Variants in EIF4E2 observed in about 807,000 individuals in gnomAD.
EIF4E2 encodes eukaryotic translation initiation factor 4E family member 2.
In EIF4E2, 13 loss-of-function variants were observed where a neutral mutation model predicts 34.2. The ratio of observed to expected loss-of-function variants is 0.38; its 90% CI spans 0.25 to 0.60. The LOEUF (loss-of-function observed/expected upper bound fraction) is 0.60. Ranked by LOEUF, EIF4E2 falls within the 20% of genes least tolerant of loss-of-function variation. The pLI is 0.62. For missense variants in EIF4E2, 222 were observed against 315.1 expected (o/e 0.70, Z 2.24); for synonymous variants, 100 against 106.6 (o/e 0.94, Z 0.38).
exon 7 of EIF4E2, chr2:232,583,218 TCTCCGCTTTG>T (rs1693400917): frequency 6.6e-6 from 1 of 152,128 alleles, no homozygotes; most frequent in African/African-American, 2.4e-5. Context: ...GAAGAGTCGG[TCTCCGCTTTG>T]CACAGTACCA....
At chr2:232,564,503 C>T (rs748228846) in intron 4 of EIF4E2, 152 bp downstream of exon 4, 46 of 501,568 alleles carry the variant, frequency 9.2e-5, no homozygotes, top group African/African-American at 4.2e-4. Context: ...CCAGGCTGAG[C>T]GCAGTGGCGC....
rs34599240 is a variant in EIF4E2 at position 232,566,541 on chromosome 2, C to G, written c.376-288C>G. On this transcript the variant is annotated intron_variant, in intron 4 of 6. Coordinates refer to ENST00000258416, the MANE Select transcript of EIF4E2 (RefSeq NM_004846.4). The surrounding 1 kb of genome is among the most constrained non-coding windows in gnomAD (Gnocchi z 4.9). ...CGGATGATCTGTGCTTGAAATATGACATCATTTCGTTTTGATTCCTAAAGT... is the reference window on the plus strand; with the variant it reads ...CGGATGATCTGTGCTTGAAATATGAGATCATTTCGTTTTGATTCCTAAAGT... Among the ~76,000 whole-genome samples, 673 of 152,340 alleles carry G rather than the reference C, an allele frequency of 4.4e-3. No homozygotes were observed. The highest frequency in any genetic ancestry group is 7.5e-3 in the Non-Finnish European group (509 of 68,034).
At chr2:232,554,341 C>A (rs980147957) in intron 1 of EIF4E2, among the ~76,000 whole-genome samples, 2 of 152,158 alleles carry the variant, frequency 1.3e-5, no homozygotes, top group Admixed American at 6.5e-5. Flanking sequence ...TAGGGTGATA[C>A]AACTGGAGTG....
downstream of EIF4E2, among the ~76,000 whole-genome samples, chr2:232,571,100 A>G (rs1247800047): frequency 6.6e-6 from 1 of 152,158 alleles, no homozygotes; most frequent in East Asian, 1.9e-4. Flanking sequence ...TTTTTGGCCC[A>G]GTTCCCAATG....
downstream of EIF4E2, among the ~76,000 whole-genome samples, chr2:232,573,474 G>A (rs1327290580): frequency 2.0e-5 from 3 of 152,160 alleles, no homozygotes; most frequent in Non-Finnish European, 4.4e-5. Context: ...TGAGCCTCCA[G>A]AAGCATAGGG....
In EIF4E2 at chr2:232,569,044, C is replaced by A. The variant is rs762391204; in HGVS notation, c.*27C>A. 2.5e-6 allele frequency: 4 copies of A among 1,612,858 alleles called. No homozygotes were observed. The highest frequency in any genetic ancestry group is 3.4e-6 in the Non-Finnish European group (4 of 1,179,512). On this transcript the variant is annotated 3_prime_UTR_variant, in exon 7 of 7. Coordinates refer to ENST00000258416, the MANE Select transcript of EIF4E2 (RefSeq NM_004846.4). ...CCTCTCCCTCTCTGGATGGCACCATCATTGAAGCTGGCGTCATCGGAGTCT... is the reference window on the plus strand; with the variant it reads ...CCTCTCCCTCTCTGGATGGCACCATAATTGAAGCTGGCGTCATCGGAGTCT...
chr2:232,559,797 T>G (rs1250102853), intron 3 of EIF4E2, among the ~76,000 whole-genome samples: 1 of 144,190 alleles, frequency 6.9e-6, no homozygotes, highest in Non-Finnish European at 1.5e-5. Context: ...AGTTTAAAAT[T>G]AGCTGGCTTG....
In EIF4E2 at chr2:232,550,714, G is replaced by T. The variant is rs1692273130; in HGVS notation, c.-11G>T. ...ACTCCCTGAGGCAGTGGCGACAGCG[G>T]CGGCGAGAGGATGAACAACAAGTTC... On this transcript the variant is annotated 5_prime_UTR_variant, in exon 1 of 7. Coordinates refer to ENST00000258416, the MANE Select transcript of EIF4E2 (RefSeq NM_004846.4). 1 of 1,584,744 alleles carries T rather than the reference G, an allele frequency of 6.3e-7. No homozygotes were observed.
Position 232,581,325 on chromosome 2 carries a change from T to C in EIF4E2, c.*382T>C. 2.7e-6 allele frequency: 1 copy of C among 367,612 alleles called. No individual in the cohort carries two copies. Among genetic ancestry groups the C allele is most frequent in the Non-Finnish European group, 5.3e-6 (1 of 190,036 alleles). The allele number at this position is 367,612 out of a possible 1,614,324, so 22.8% of individuals were successfully genotyped here. On this transcript the variant is annotated 3_prime_UTR_variant, in exon 7 of 7. Coordinates refer to the EIF4E2 transcript ENST00000409098. This position sits in a 1 kb window ranked among gnomAD's most constrained non-coding sequence, Gnocchi z 5.2. ...CAGAGCTGTTGATGAGAGTTACCAG[T>C]ATTATGAATGTCTGTGCATCCAGGA...
At chr2:232,560,728 G>T (rs186251649) in intron 3 of EIF4E2, among the ~76,000 whole-genome samples, 14 of 152,292 alleles carry the variant, frequency 9.2e-5, no homozygotes, top group Non-Finnish European at 1.8e-4. Flanking sequence ...CTTGTATCTA[G>T]AATACTCTTA....
In EIF4E2 at chr2:232,566,504, T is replaced by G. The variant is rs911341453; in HGVS notation, c.376-325T>G. 6.6e-6 allele frequency among the ~76,000 whole-genome samples: 1 copy of G among 152,252 alleles called. No individual in the cohort carries two copies. Among genetic ancestry groups the G allele is most frequent in the Admixed American group, 6.5e-5 (1 of 15,290 alleles). ...TGCGCCCAGCAGACATTCAGTACTT[T>G]TAGCAAGTAAACGGATGATCTGTGC... On this transcript the variant is annotated intron_variant, in intron 4 of 6. Coordinates refer to ENST00000258416, the MANE Select transcript of EIF4E2 (RefSeq NM_004846.4). This position sits in a 1 kb window ranked among gnomAD's most constrained non-coding sequence, Gnocchi z 4.9.
Position 232,566,708 on chromosome 2 carries a change from G to A in EIF4E2, c.376-121G>A, listed in dbSNP as rs1692944689. 2.6e-6 allele frequency: 3 copies of A among 1,142,798 alleles called. No individual in the cohort carries two copies. The African/African-American group carries it at 4.7e-5, about 18-fold the overall frequency. 70.8% of individuals were successfully genotyped at this position (1,142,798 alleles called of 1,614,324 possible). On this transcript the variant is annotated intron_variant, in intron 4 of 6. Coordinates refer to ENST00000258416, the MANE Select transcript of EIF4E2 (RefSeq NM_004846.4). This position sits in a 1 kb window ranked among gnomAD's most constrained non-coding sequence, Gnocchi z 4.9. ...CTACCATCAGTTTTTCTATAGAGTT[G>A]AATAATTGGAAAGTGATATGACTTC...
chr2:232,566,391 C>G lies in EIF4E2; in HGVS notation c.376-438C>G, dbSNP rs971596649. Among the ~76,000 whole-genome samples, 1 of 152,186 alleles carries G rather than the reference C, an allele frequency of 6.6e-6. No homozygotes were observed. Among genetic ancestry groups the G allele is most frequent in the Non-Finnish European group, 1.5e-5 (1 of 68,036 alleles). On this transcript the variant is annotated intron_variant, in intron 4 of 6. Coordinates refer to ENST00000258416, the MANE Select transcript of EIF4E2 (RefSeq NM_004846.4). The surrounding 1 kb of genome is among the most constrained non-coding windows in gnomAD (Gnocchi z 4.9). ...ATTTTTAGTAGAGACGCGGTTTCAC[C>G]GTGTCAGCCAGGATGGTCTCGATCT...
chr2:232,564,765 T>TGA (rs1692860067), intron 4 of EIF4E2, among the ~76,000 whole-genome samples: 1 of 152,218 alleles, frequency 6.6e-6, no homozygotes, highest in African/African-American at 2.4e-5. Flanking sequence ...AAAAGTGTTT[T>TGA]AAAGTCTCTC....
At chr2:232,574,019 G>A (rs1693152594), downstream of EIF4E2, 2 of 685,036 alleles carry the variant, frequency 2.9e-6, no homozygotes, top group South Asian at 3.0e-5. Context: ...AATCCTTGAG[G>A]GAACAGGGGC....
At chr2:232,560,708 A>G (rs971666341) in intron 3 of EIF4E2, among the ~76,000 whole-genome samples, 2 of 152,250 alleles carry the variant, frequency 1.3e-5, no homozygotes, top group African/African-American at 2.4e-5. Context: ...ATTGCAAATC[A>G]TATCTAATAC....
At chr2:232,561,016 A>C (rs1484861237) in intron 3 of EIF4E2, among the ~76,000 whole-genome samples, 2 of 152,224 alleles carry the variant, frequency 1.3e-5, no homozygotes, top group Non-Finnish European at 2.9e-5. Context: ...AATTTCTAAT[A>C]CAGGGAAGAC....
intron 6 of EIF4E2, among the ~76,000 whole-genome samples, chr2:232,575,810 G>A (rs1693197874): frequency 6.6e-6 from 1 of 152,276 alleles, no homozygotes. Context: ...TAATGGAGCT[G>A]TTTTTAAAAT....
At chr2:232,553,501 G>T (rs866455838) in intron 1 of EIF4E2, among the ~76,000 whole-genome samples, 2 of 152,200 alleles carry the variant, frequency 1.3e-5, no homozygotes, top group African/African-American at 2.4e-5. Context: ...TATTGGTCTA[G>T]TTCAGAGGGT....
Sources: allele counts gnomAD v4.1 joint callset (sites outside exome capture counted in the v4.1 genomes callset), GRCh38; gene constraint gnomAD v4.1.1; non-coding constraint Gnocchi (gnomAD v3.1); transcripts MANE v1.5; gene names NCBI Gene and HGNC (gene_info 2026-07-23, HGNC 2026-07-21).